UGGT2: variants seen among roughly 807,000 people sequenced by gnomAD.
The protein encoded by UGGT2 is UDP-glucose:glycoprotein glucosyltransferase 2.
UGGT2 carries 180 observed loss-of-function variants against 192.1 expected under a neutral mutation model. The observed-to-expected ratio is 0.94, with a 90% CI of 0.83 to 1.06. UGGT2 has a LOEUF of 1.06. UGGT2 is among the 50% of genes least tolerant of loss of function. The pLI, the probability that UGGT2 is intolerant of heterozygous loss-of-function variation, is 0.00. For missense variants in UGGT2, 1,849 were observed against 1,795.7 expected (o/e 1.03, Z -0.54); for synonymous variants, 580 against 591.0 (o/e 0.98, Z 0.27).
chr13:95,856,546 T>C, intron 33 of UGGT2: 1 of 530,080 alleles, frequency 1.9e-6, no homozygotes, highest in East Asian at 3.5e-5. Context: ...TAAATAAAAC[T>C]ATATAATTTA....
chr13:95,929,569 T>C (rs190487940), intron 17 of UGGT2, among the ~76,000 whole-genome samples: 1 of 151,854 alleles, frequency 6.6e-6, no homozygotes, highest in East Asian at 1.9e-4. Flanking sequence ...CCTGTTTCTG[T>C]GTTAGTTTGC....
intron 10 of UGGT2, among the ~76,000 whole-genome samples, chr13:95,977,561 T>C (rs1432180965): frequency 6.6e-6 from 1 of 152,162 alleles, no homozygotes; most frequent in Non-Finnish European, 1.5e-5. Flanking sequence ...CTGGAGAGGA[T>C]GTGGAGAAAC....
At chr13:95,904,301 T>A (rs891372394) in intron 20 of UGGT2, among the ~76,000 whole-genome samples, 1 of 152,076 alleles carries the variant, frequency 6.6e-6, no homozygotes, top group African/African-American at 2.4e-5. Context: ...TTATCTTTTT[T>A]TTATTATTAA....
At chr13:95,895,358 G>A in intron 22 of UGGT2, 54 bp from the exon 23 acceptor site, 1 of 1,099,228 alleles carries the variant, frequency 9.1e-7, no homozygotes, top group Non-Finnish European at 1.2e-6. Context: ...TATCAGTTTA[G>A]GAAAAACATT....
At chr13:95,807,715 C>CTTTTTTTTTTTTT (rs200081851) in intron 38 of UGGT2, among the ~76,000 whole-genome samples, 2 of 48,040 alleles carry the variant, frequency 4.2e-5, no homozygotes, top group Non-Finnish European at 8.5e-5. Context: ...TCAGCCCTCA[C>CTTTTTTTTTTTTT]CTTTTTTTTT....
At chr13:95,976,496 T>C (rs956866649) in intron 10 of UGGT2, among the ~76,000 whole-genome samples, 1 of 152,198 alleles carries the variant, frequency 6.6e-6, no homozygotes, top group Non-Finnish European at 1.5e-5. Flanking sequence ...TGAACCTCTA[T>C]ACTACTGTTT....
chr13:95,838,106 T>C (rs1324265727), intron 36 of UGGT2, among the ~76,000 whole-genome samples: 1 of 152,170 alleles, frequency 6.6e-6, no homozygotes, highest in Non-Finnish European at 1.5e-5. Context: ...ATTTTAGCAA[T>C]GTTACAAGAT....
At chr13:95,963,670 G>A (rs1484246767) in intron 12 of UGGT2, among the ~76,000 whole-genome samples, 2 of 152,102 alleles carry the variant, frequency 1.3e-5, no homozygotes, top group East Asian at 3.8e-4. Flanking sequence ...TCTTAGAACT[G>A]ATAAATTCAA....
intron 15 of UGGT2, among the ~76,000 whole-genome samples, chr13:95,943,213 C>T (rs193032318): frequency 6.6e-5 from 10 of 152,160 alleles, no homozygotes; most frequent in Admixed American, 4.6e-4. Context: ...TAAAATAAAA[C>T]ATCACATTTC....
intron 4 of UGGT2, among the ~76,000 whole-genome samples, chr13:96,016,195 A>C (rs978745375): frequency 2.6e-5 from 4 of 152,226 alleles, no homozygotes; most frequent in African/African-American, 9.6e-5. Flanking sequence ...GAAGCAGAAC[A>C]TAAAAGTTTG....
chr13:96,050,451 A>C (rs1316058994), intron 1 of UGGT2, among the ~76,000 whole-genome samples: 1 of 152,226 alleles, frequency 6.6e-6, no homozygotes, highest in Non-Finnish European at 1.5e-5. Context: ...CACCAAAAGC[A>C]ATGGCAACAA....
At chr13:95,925,624 G>T in intron 20 of UGGT2, 56 bp downstream of exon 20, 1 of 1,185,152 alleles carries the variant, frequency 8.4e-7, no homozygotes, top group Non-Finnish European at 1.2e-6. Flanking sequence ...TCTTCATATT[G>T]CTTTCCTTAA....
At chr13:95,975,422 A>AG (rs1296884536) in intron 10 of UGGT2, among the ~76,000 whole-genome samples, 1 of 152,308 alleles carries the variant, frequency 6.6e-6, no homozygotes, top group South Asian at 2.1e-4. Flanking sequence ...GTGGAGGAAG[A>AG]GTAAGTCTCC....
chr13:95,940,562 C>T (rs186285010), intron 15 of UGGT2, among the ~76,000 whole-genome samples: 1 of 151,040 alleles, frequency 6.6e-6, no homozygotes, highest in East Asian at 2.0e-4. Flanking sequence ...AAGCAATCCT[C>T]CCACCTAGCC....
At chr13:95,824,415 C>G (rs1229469854) in intron 38 of UGGT2, among the ~76,000 whole-genome samples, 1 of 150,596 alleles carries the variant, frequency 6.6e-6, no homozygotes, top group Non-Finnish European at 1.5e-5. Flanking sequence ...TCTTCTTCCT[C>G]AGGAACACCA....
chr13:95,827,938 A>G (rs113084893), intron 38 of UGGT2, among the ~76,000 whole-genome samples: 2,025 of 152,276 alleles, frequency 0.013, 23 homozygotes, highest in Non-Finnish European at 0.02. Context: ...ATTCAGCATG[A>G]GAATATAGTT....
At chr13:95,953,003 A>G (rs2050112805) in intron 12 of UGGT2, among the ~76,000 whole-genome samples, 1 of 152,246 alleles carries the variant, frequency 6.6e-6, no homozygotes, top group Non-Finnish European at 1.5e-5. Context: ...AGAAATTATT[A>G]TACTTTAAGT....
In UGGT2 at chr13:95,949,474, C is replaced by A; in HGVS notation, c.1336-20G>T. 7.0e-7 allele frequency: 1 copy of A among 1,437,358 alleles called. No individual in the cohort carries two copies. The allele number at this position is 1,437,358 out of a possible 1,614,324, so 89.0% of individuals were successfully genotyped here. ...AATCCACTAGAAAAGAACGCAGACA[C>A]TTGTGAAAGCTATATTAACACTGAA... On this transcript the variant is annotated intron_variant, in intron 12 of 38. Transcript: ENST00000376747.
intron 38 of UGGT2, chr13:95,832,659 C>T (rs1268786309): frequency 2.0e-6 from 1 of 502,440 alleles, no homozygotes; most frequent in African/African-American, 1.9e-5. Flanking sequence ...TTTTATTTTT[C>T]ACCTCTATGT....
Sources: allele counts gnomAD v4.1 joint callset (sites outside exome capture counted in the v4.1 genomes callset), GRCh38; gene constraint gnomAD v4.1.1; transcripts MANE v1.5; gene names NCBI Gene and HGNC (gene_info 2026-07-23, HGNC 2026-07-21).